HECW1: variants seen among roughly 807,000 people sequenced by gnomAD.
HECW1 encodes the protein HECT, C2 and WW domain containing E3 ubiquitin protein ligase 1, also known as E3 ubiquitin-protein ligase HECW1.
Under a neutral mutation model 182.3 loss-of-function variants are expected in HECW1, and 61 were observed. That is an observed-to-expected ratio of 0.33 (90% CI 0.27 to 0.41). HECW1 has a LOEUF of 0.41. Among genes scored for constraint, HECW1 ranks in the 10% least tolerant of loss-of-function variants. The probability of loss-of-function intolerance (pLI) is 1.00; values close to 1 mark genes in which losing one functional copy is unlikely to be tolerated. For synonymous variants in HECW1, 859 were observed against 832.6 expected, an observed-to-expected ratio of 1.03 and a Z score of -0.55; for missense variants, 1,739 against 2,108.9, an observed-to-expected ratio of 0.82 and a Z score of 3.44.
intron 3 of HECW1, among the ~76,000 whole-genome samples, chr7:43,262,247 C>CGTGTGTGTGTGTGT (rs10695541): frequency 1.1e-3 from 164 of 149,580 alleles, no homozygotes; most frequent in African/African-American, 2.9e-3. Flanking sequence ...TGTATGTGTG[C>CGTGTGTGTGTGTGT]GTGTGTGTGT....
intron 6 of HECW1, among the ~76,000 whole-genome samples, chr7:43,374,799 A>AAAAAAAAAAAAAAAAAAAAAAAAAAAAC (rs1303274874): frequency 1.8e-5 from 1 of 54,074 alleles, no homozygotes; most frequent in African/African-American, 1.7e-4. Context: ...AAAAAAAAAA[A>AAAAAAAAAAAAAAAAAAAAAAAAAAAAC]ATAGAGAAAT....
chr7:43,506,309 C>G (rs1297824790), intron 21 of HECW1, among the ~76,000 whole-genome samples: 3 of 152,070 alleles, frequency 2.0e-5, no homozygotes, highest in Non-Finnish European at 4.4e-5. Context: ...TAGCAACTTA[C>G]AAGAAAAGTT....
chr7:43,407,868 A>T, intron 8 of HECW1, 137 bp downstream of exon 8: 1 of 759,740 alleles, frequency 1.3e-6, no homozygotes, highest in South Asian at 2.3e-5. Context: ...CTTAGAAGGG[A>T]GCCATGTTCT....
At chr7:43,164,833 C>G (rs1790937245) in intron 2 of HECW1, among the ~76,000 whole-genome samples, 1 of 152,206 alleles carries the variant, frequency 6.6e-6, no homozygotes, top group African/African-American at 2.4e-5. Flanking sequence ...CATGCAGCCG[C>G]GCTTCCATGG....
intron 24 of HECW1, among the ~76,000 whole-genome samples, chr7:43,519,673 G>A (rs1025541): frequency 0.11 from 16,339 of 152,174 alleles, 1,066 homozygotes; most frequent in Middle Eastern, 0.23. Context: ...ATGGTTAAAT[G>A]TATTACAGCA....
At chr7:43,429,289 C>CATATATATATATATATAT (rs57627873) in intron 8 of HECW1, among the ~76,000 whole-genome samples, 1 of 106,698 alleles carries the variant, frequency 9.4e-6, no homozygotes, top group Non-Finnish European at 1.9e-5. Flanking sequence ...ATATTATATG[C>CATATATATATATATATAT]ATATATATAT....
intron 8 of HECW1, among the ~76,000 whole-genome samples, chr7:43,418,346 T>G (rs1327509689): frequency 6.6e-6 from 1 of 152,264 alleles, no homozygotes; most frequent in East Asian, 1.9e-4. Context: ...AATCTATTGT[T>G]GGTTCACTGA....
intron 17 of HECW1, among the ~76,000 whole-genome samples, chr7:43,487,141 A>T (rs1177361848): frequency 4.0e-5 from 6 of 151,444 alleles, no homozygotes; most frequent in African/African-American, 1.5e-4. Flanking sequence ...AACTTGCTAC[A>T]TTTTTTTTTA....
chr7:43,530,222 C>T (rs1186004855), intron 24 of HECW1, among the ~76,000 whole-genome samples: 8 of 149,938 alleles, frequency 5.3e-5, no homozygotes, highest in Admixed American at 1.3e-4. Context: ...CCTTCCAAAG[C>T]GCTGGGATTA....
intron 5 of HECW1, among the ~76,000 whole-genome samples, chr7:43,349,646 G>A (rs916032811): frequency 6.6e-6 from 1 of 152,150 alleles, no homozygotes; most frequent in African/African-American, 2.4e-5. Flanking sequence ...GTGCTTTAAA[G>A]TTTGTTTTGT....
intron 2 of HECW1, among the ~76,000 whole-genome samples, chr7:43,210,916 G>A (rs771606497): frequency 2.6e-5 from 4 of 152,194 alleles, no homozygotes; most frequent in Non-Finnish European, 5.9e-5. Flanking sequence ...AGAAGAGTGT[G>A]CACTTGCAAG....
chr7:43,481,244 A>G (rs2078424572), intron 17 of HECW1, among the ~76,000 whole-genome samples: 1 of 152,222 alleles, frequency 6.6e-6, no homozygotes, highest in African/African-American at 2.4e-5. Context: ...TTCCTGTAAC[A>G]CTTCACAAAG....
intron 2 of HECW1, among the ~76,000 whole-genome samples, chr7:43,124,371 CTTCAGGCAATT>C (rs1785971947): frequency 6.6e-6 from 1 of 152,202 alleles, no homozygotes; most frequent in Non-Finnish European, 1.5e-5. Context: ...GAACTCATGA[CTTCAGGCAATT>C]TTCAGGCAAT....
intron 2 of HECW1, among the ~76,000 whole-genome samples, chr7:43,238,678 A>C (rs948352632): frequency 6.6e-6 from 1 of 152,230 alleles, no homozygotes; most frequent in Non-Finnish European, 1.5e-5. Flanking sequence ...GAATGAATGA[A>C]AATGAAAAAT....
At chr7:43,221,883 A>G (rs1203578434) in intron 2 of HECW1, among the ~76,000 whole-genome samples, 1 of 152,116 alleles carries the variant, frequency 6.6e-6, no homozygotes, top group Non-Finnish European at 1.5e-5. Flanking sequence ...GCATTTTATC[A>G]TCATAGGTTG....
chr7:43,549,617 C>G (rs2081717442), intron 26 of HECW1, among the ~76,000 whole-genome samples: 1 of 152,188 alleles, frequency 6.6e-6, no homozygotes. Context: ...CAGATAATAG[C>G]CTTCCCTGAT....
chr7:43,331,427 A>T (rs1400836793), intron 5 of HECW1, among the ~76,000 whole-genome samples: 1 of 151,316 alleles, frequency 6.6e-6, no homozygotes, highest in Non-Finnish European at 1.5e-5. Context: ...CATCTCTACT[A>T]AAAAAAATAC....
intron 24 of HECW1, among the ~76,000 whole-genome samples, chr7:43,525,530 G>T (rs1291034658): frequency 6.6e-6 from 1 of 152,196 alleles, no homozygotes; most frequent in Non-Finnish European, 1.5e-5. Context: ...TGGGCCCATT[G>T]TAAACCACCT....
chr7:43,219,716 T>C lies in HECW1; in HGVS notation c.-31-24159T>C, dbSNP rs543391465. On this transcript the variant is annotated intron_variant, in intron 2 of 29. Coordinates refer to ENST00000395891, the MANE Select transcript of HECW1 (RefSeq NM_015052.5). ...CTATACAATGTCTGTAATCTATAGATAACATAATTGATTAAGTCAGGGGTC... is the reference window on the plus strand; with the variant it reads ...CTATACAATGTCTGTAATCTATAGACAACATAATTGATTAAGTCAGGGGTC... Among the ~76,000 whole-genome samples, 7 of 152,332 alleles carry C rather than the reference T, an allele frequency of 4.6e-5. No individual in the cohort carries two copies. In the South Asian group the frequency reaches 1.2e-3, roughly 27 times the overall value.
Sources: allele counts gnomAD v4.1 joint callset (sites outside exome capture counted in the v4.1 genomes callset), GRCh38; gene constraint gnomAD v4.1.1; transcripts MANE v1.5; gene names NCBI Gene and HGNC (gene_info 2026-07-23, HGNC 2026-07-21).